The following GRK5 variants were observed in gnomAD, a reference collection of about 807,000 sequenced individuals.
GRK5 encodes the protein G protein-coupled receptor kinase 5.
GRK5 carries 40 observed loss-of-function variants against 78.4 expected under a neutral mutation model. That is an observed-to-expected ratio of 0.51 (90% CI 0.40 to 0.66). The LOEUF is 0.66. GRK5 is among the 30% of genes least tolerant of loss of function. The pLI, the probability that GRK5 is intolerant of heterozygous loss-of-function variation, is 0.00. For missense variants in GRK5, 598 were observed against 759.9 expected, an observed-to-expected ratio of 0.79 and a Z score of 2.50; for synonymous variants, 289 against 296.8, an observed-to-expected ratio of 0.97 and a Z score of 0.27.
intron 1 of GRK5, among the ~76,000 whole-genome samples, chr10:119,269,194 G>A (rs1285093789): frequency 6.6e-6 from 1 of 152,228 alleles, no homozygotes; most frequent in African/African-American, 2.4e-5. Context: ...TTCACAGGAA[G>A]TTTGATGACC....
At chr10:119,308,869 G>GCA (rs1850315368) in intron 1 of GRK5, among the ~76,000 whole-genome samples, 1 of 152,116 alleles carries the variant, frequency 6.6e-6, no homozygotes, top group South Asian at 2.1e-4. Context: ...TATGGATTTG[G>GCA]GGGAATGCTG....
intron 1 of GRK5, among the ~76,000 whole-genome samples, chr10:119,325,822 C>T (rs1020771038): frequency 3.5e-4 from 53 of 152,376 alleles, no homozygotes; most frequent in African/African-American, 1.2e-3. Flanking sequence ...CTGCACGTTA[C>T]ACGTGACTGT....
At chr10:119,243,968 G>C (rs145287350) in intron 1 of GRK5, among the ~76,000 whole-genome samples, 4 of 152,316 alleles carry the variant, frequency 2.6e-5, no homozygotes, top group Admixed American at 2.6e-4. Context: ...TTTCTGTCAC[G>C]TTATGATTGG....
chr10:119,435,292 C>T (rs907259018), intron 8 of GRK5, among the ~76,000 whole-genome samples: 16 of 152,222 alleles, frequency 1.1e-4, no homozygotes, highest in Admixed American at 3.3e-4. Flanking sequence ...CTGAATTTCT[C>T]CTCAGAAAAT....
At chr10:119,454,501 G>C (rs1342149124) in intron 15 of GRK5, among the ~76,000 whole-genome samples, 2 of 152,204 alleles carry the variant, frequency 1.3e-5, no homozygotes, top group African/African-American at 4.8e-5. Context: ...GGGAAGGCCT[G>C]AGCAATGGGA....
At chr10:119,240,923 T>A (rs537127808) in intron 1 of GRK5, among the ~76,000 whole-genome samples, 1 of 152,312 alleles carries the variant, frequency 6.6e-6, no homozygotes, top group East Asian at 1.9e-4. Flanking sequence ...GGACCATGAC[T>A]GAATGCTGCA....
chr10:119,240,320 C>T (rs1314745436), intron 1 of GRK5, among the ~76,000 whole-genome samples: 1 of 151,048 alleles, frequency 6.6e-6, no homozygotes, highest in Non-Finnish European at 1.5e-5. Flanking sequence ...CCTGCCTCAG[C>T]CTCCTGAGTA....
intron 14 of GRK5, 104 bp from the exon 15 acceptor site, chr10:119,453,041 T>C: frequency 1.1e-6 from 1 of 887,238 alleles, no homozygotes; most frequent in Non-Finnish European, 1.9e-6. Flanking sequence ...GGCGTGTGGC[T>C]CAGGGGCAGG....
At position 119,253,193 on chromosome 10, in the gene GRK5, T is replaced by C. The variant is rs1230987034; in HGVS notation, c.52+45224T>C. ...GGTGTCTACACCACCCAGTGCCCCC[T>C]TGAGCTCACATCTGAGGGTCTGTTG... On this transcript the variant is annotated intron_variant, in intron 1 of 15. Transcript: ENST00000392870. This position sits in a 1 kb window ranked among gnomAD's most constrained non-coding sequence, Gnocchi z 5.7. Among the ~76,000 whole-genome samples the C allele has an allele frequency of 6.6e-6, 1 of 152,198 alleles. No homozygotes were observed. Among genetic ancestry groups the C allele is most frequent in the African/African-American group, 2.4e-5 (1 of 41,438 alleles).
chr10:119,455,071 C>T lies in GRK5; in HGVS notation c.*4C>T, dbSNP rs756269796. 4.4e-6 allele frequency: 7 copies of T among 1,609,058 alleles called. No individual in the cohort carries two copies. The highest frequency in any genetic ancestry group is 6.0e-6 in the Non-Finnish European group (7 of 1,175,418). On this transcript the variant is annotated 3_prime_UTR_variant, in exon 16 of 16. Coordinates refer to ENST00000392870, the MANE Select transcript of GRK5 (RefSeq NM_005308.3). ...GAACTCCACCGGAAGCAGCTAGTTT[C>T]GGCTCTGGCCTCCAAGTCCACAGTG...
chr10:119,269,781 T>C (rs10749307), intron 1 of GRK5, among the ~76,000 whole-genome samples: 147,505 of 148,552 alleles, frequency 0.99, 73,238 homozygotes, highest in East Asian at 1. Context: ...TGCAGTGAGC[T>C]GAGATCGCAC....
intron 1 of GRK5, among the ~76,000 whole-genome samples, chr10:119,290,117 C>T (rs144432436): frequency 3.3e-5 from 5 of 151,950 alleles, no homozygotes; most frequent in Non-Finnish European, 4.4e-5. Flanking sequence ...GAGGCCAAGG[C>T]GGGTGGATTG....
At chr10:119,268,716 A>G (rs1849539728) in intron 1 of GRK5, among the ~76,000 whole-genome samples, 1 of 152,228 alleles carries the variant, frequency 6.6e-6, no homozygotes, top group Non-Finnish European at 1.5e-5. Flanking sequence ...ACTGTCCCCA[A>G]TGTCATCACT....
At chr10:119,335,680 C>A (rs1398071265) in intron 2 of GRK5, among the ~76,000 whole-genome samples, 1 of 152,204 alleles carries the variant, frequency 6.6e-6, no homozygotes, top group Non-Finnish European at 1.5e-5. Flanking sequence ...GTTCTTTAAA[C>A]CAGACACTGG....
intron 3 of GRK5, among the ~76,000 whole-genome samples, chr10:119,394,330 G>GTGTGTGTGTGGGTGTGTGTATCCA (rs1851971580): frequency 7.9e-5 from 1 of 12,636 alleles, no homozygotes; most frequent in African/African-American, 2.7e-4. Context: ...GTGTGTATCT[G>GTGTGTGTGTGGGTGTGTGTATCCA]TGTGTCTGTG....
intron 1 of GRK5, among the ~76,000 whole-genome samples, chr10:119,252,691 C>T (rs1429967371): frequency 6.6e-5 from 10 of 152,136 alleles, no homozygotes; most frequent in African/African-American, 9.7e-5. Context: ...TGTTAAGAGA[C>T]GGAAATGTGG....
intron 2 of GRK5, among the ~76,000 whole-genome samples, chr10:119,355,959 A>G (rs775829933): frequency 2.0e-5 from 3 of 152,230 alleles, no homozygotes; most frequent in Non-Finnish European, 2.9e-5. Context: ...CCGATGCTAT[A>G]TAGTTATTTT....
At position 119,459,621 on chromosome 10, in the gene GRK5, A is replaced by T. The variant is rs1038398513; in HGVS notation, c.*4554A>T. The T allele has an allele frequency of 6.6e-6, 1 of 152,218 alleles. No homozygotes were observed. The highest frequency in any genetic ancestry group is 1.5e-5 in the Non-Finnish European group (1 of 68,042). 9.4% of individuals were successfully genotyped at this position (152,218 alleles called of 1,614,324 possible). On this transcript the variant is annotated 3_prime_UTR_variant, in exon 16 of 16. Transcript: ENST00000392870. ...CACAGTGGCGGTCACTCCTGAAGGC[A>T]GCGGCTTCTGTTCTCCCGCTGCTGT...
chr10:119,406,088 C>T (rs1852234925), intron 4 of GRK5, among the ~76,000 whole-genome samples: 1 of 152,150 alleles, frequency 6.6e-6, no homozygotes, highest in Admixed American at 6.5e-5. Flanking sequence ...GATGACAGGA[C>T]GGTAGCACTG....
Sources: allele counts gnomAD v4.1 joint callset (sites outside exome capture counted in the v4.1 genomes callset), GRCh38; gene constraint gnomAD v4.1.1; non-coding constraint Gnocchi (gnomAD v3.1); transcripts MANE v1.5; gene names NCBI Gene and HGNC (gene_info 2026-07-23, HGNC 2026-07-21).